The following PHTF2 variants were observed in gnomAD, a reference collection of about 807,000 sequenced individuals.
PHTF2 encodes protein PHTF2.
A neutral mutation model predicts 101.2 loss-of-function variants in PHTF2; 60 were observed. The observed-to-expected ratio is 0.59, with a 90% CI of 0.48 to 0.73. The LOEUF (loss-of-function observed/expected upper bound fraction) is 0.73, where lower values mean the gene tolerates loss of function less well. Among genes scored for constraint, PHTF2 ranks in the 30% least tolerant of loss-of-function variants. PHTF2 has a pLI of 0.00. For missense variants in PHTF2, 747 were observed against 908.7 expected (o/e 0.82, Z 2.29); for synonymous variants, 311 against 307.3 (o/e 1.01, Z -0.13).
chr7:77,896,598 T>G (rs1800897131), intron 5 of PHTF2, among the ~76,000 whole-genome samples: 1 of 152,142 alleles, frequency 6.6e-6, no homozygotes, highest in Non-Finnish European at 1.5e-5. Context: ...TCATCCTCCC[T>G]ACTCTTGTTA....
At chr7:77,879,689 A>G (rs764899442) in intron 3 of PHTF2, among the ~76,000 whole-genome samples, 5 of 152,178 alleles carry the variant, frequency 3.3e-5, no homozygotes, top group African/African-American at 4.8e-5. Flanking sequence ...ATTATCTATC[A>G]TCTATCTGCC....
At chr7:77,937,112 A>G (rs1396771486) in intron 12 of PHTF2, among the ~76,000 whole-genome samples, 2 of 152,036 alleles carry the variant, frequency 1.3e-5, no homozygotes, top group Non-Finnish European at 2.9e-5. Flanking sequence ...GGTCCTTTGG[A>G]GAAATGCTGG....
chr7:77,925,906 A>G (rs1803955458), intron 11 of PHTF2, among the ~76,000 whole-genome samples: 2 of 151,992 alleles, frequency 1.3e-5, no homozygotes, highest in African/African-American at 4.8e-5. Context: ...AAATACAAAA[A>G]TTAGCTGGCT....
intron 3 of PHTF2, among the ~76,000 whole-genome samples, chr7:77,885,362 A>G (rs1447186740): frequency 1.3e-5 from 2 of 152,172 alleles, no homozygotes; most frequent in Non-Finnish European, 2.9e-5. Flanking sequence ...CTTGCCTTGC[A>G]AGGTGCTCAT....
At chr7:77,955,539 T>C (rs1806941147) in exon 20 of PHTF2, 1 of 152,640 alleles carries the variant, frequency 6.6e-6, no homozygotes, top group South Asian at 2.1e-4. Flanking sequence ...TACTTGTATT[T>C]ATTTGAAACA....
At chr7:77,806,002 TC>T (rs1417018956) in intron 1 of PHTF2, among the ~76,000 whole-genome samples, 3 of 152,084 alleles carry the variant, frequency 2.0e-5, no homozygotes, top group Admixed American at 6.6e-5. Flanking sequence ...TGTTGAAACC[TC>T]GTCTCTACTA....
chr7:77,821,705 A>AC (rs761649620), intron 1 of PHTF2, among the ~76,000 whole-genome samples: 3 of 151,680 alleles, frequency 2.0e-5, no homozygotes, highest in East Asian at 2.0e-4. Context: ...GAATCTGTCT[A>AC]CCGGGGGGGC....
chr7:77,918,451 C>T (rs1285431859), intron 9 of PHTF2, among the ~76,000 whole-genome samples: 1 of 152,210 alleles, frequency 6.6e-6, no homozygotes, highest in African/African-American at 2.4e-5. Context: ...CCCTTTTCCT[C>T]TCCCTTCTCA....
chr7:77,921,471 T>C (rs145126690), intron 10 of PHTF2, among the ~76,000 whole-genome samples: 5 of 152,288 alleles, frequency 3.3e-5, no homozygotes, highest in South Asian at 2.1e-4. Context: ...CATGAACATA[T>C]TGTGTTAAGG....
At chr7:77,937,288 C>G (rs1805230869) in intron 12 of PHTF2, among the ~76,000 whole-genome samples, 1 of 152,084 alleles carries the variant, frequency 6.6e-6, no homozygotes, top group African/African-American at 2.4e-5. Context: ...TTACTATGAA[C>G]AAGTTGATAT....
At chr7:77,836,185 A>G (rs1795454701) in intron 1 of PHTF2, among the ~76,000 whole-genome samples, 1 of 151,942 alleles carries the variant, frequency 6.6e-6, no homozygotes, top group African/African-American at 2.4e-5. Flanking sequence ...TTTAAGTGGA[A>G]GTGGATCATG....
chr7:77,873,031 G>A (rs1171781120), intron 3 of PHTF2, among the ~76,000 whole-genome samples: 1 of 152,088 alleles, frequency 6.6e-6, no homozygotes, highest in African/African-American at 2.4e-5. Flanking sequence ...CCGGGTTCAA[G>A]CGAGTCCCCT....
chr7:77,841,950 C>T (rs1382870399), intron 2 of PHTF2, among the ~76,000 whole-genome samples: 1 of 152,052 alleles, frequency 6.6e-6, no homozygotes, highest in Non-Finnish European at 1.5e-5. Context: ...TTACATTAAA[C>T]ACTTTAGACT....
Position 77,901,876 on chromosome 7 carries a change from CA to C in PHTF2, c.404del (p.Lys135ArgfsTer18). On this transcript the variant is annotated frameshift_variant, in exon 7 of 20. Coordinates refer to ENST00000416283, the Ensembl canonical transcript of PHTF2. LOFTEE classifies it high-confidence loss of function. ...TTCCGGTGGTGGTTACAAGTAACAT[CA>C]AAGGTCATCTTTTTCTGGCTTCTTG... The C allele has an allele frequency of 1.3e-6, 2 of 1,599,890 alleles. No individual in the cohort carries two copies. The highest frequency in any genetic ancestry group is 2.3e-5 in the East Asian group (1 of 44,430).
chr7:77,953,346 A>G (rs848462), intron 18 of PHTF2, among the ~76,000 whole-genome samples: 64,203 of 152,126 alleles, frequency 0.42, 15,668 homozygotes, highest in East Asian at 0.68. Context: ...TAACCAATTA[A>G]TTAATACATG....
chr7:77,885,524 A>T (rs1799761051), intron 3 of PHTF2, among the ~76,000 whole-genome samples: 1 of 152,008 alleles, frequency 6.6e-6, no homozygotes, highest in African/African-American at 2.4e-5. Flanking sequence ...GGCTCACTGC[A>T]ACCTCCGCCT....
At position 77,885,860 on chromosome 7, in the gene PHTF2, C is replaced by T. The variant is rs186992466; in HGVS notation, c.148-7748C>T. On this transcript the variant is annotated intron_variant, in intron 3 of 19. Transcript: ENST00000416283. ...GGGTTCATCTAGGAATAAATTTGGG[C>T]TCTGTGTTTTCTTTTTTGTATGGCA... Among the ~76,000 whole-genome samples, 6 of 152,246 alleles carry T rather than the reference C, an allele frequency of 3.9e-5. No homozygotes were observed. In the East Asian group the frequency reaches 1.2e-3, roughly 29 times the overall value.
chr7:77,865,328 C>T (rs945747333), intron 3 of PHTF2, among the ~76,000 whole-genome samples: 1 of 151,854 alleles, frequency 6.6e-6, no homozygotes, highest in South Asian at 2.1e-4. Flanking sequence ...CGGGTTCAAG[C>T]GATTCTCCTG....
chr7:77,817,360 G>T (rs1024492118), intron 1 of PHTF2, among the ~76,000 whole-genome samples: 20 of 152,142 alleles, frequency 1.3e-4, no homozygotes, highest in African/African-American at 4.3e-4. Context: ...ACATACCTGA[G>T]CCTGGGTAAT....
Sources: gnomAD v4.1 joint callset for allele counts (sites outside exome capture counted in the v4.1 genomes callset) on GRCh38, gnomAD v4.1.1 for gene constraint, MANE v1.5 for transcripts, NCBI Gene and HGNC (gene_info 2026-07-23, HGNC 2026-07-21) for gene names.